TAFA4: variants seen among roughly 807,000 people sequenced by gnomAD.
The protein encoded by TAFA4 is TAFA chemokine like family member 4, also known as chemokine-like protein TAFA-4.
TAFA4 carries 20 observed loss-of-function variants against 21.1 expected under a neutral mutation model. The observed-to-expected ratio is 0.95, with a 90% CI of 0.67 to 1.38. TAFA4 has a LOEUF of 1.38. Ranked by LOEUF, TAFA4 falls within the 40% of genes most tolerant of loss-of-function variation. TAFA4 has a pLI of 0.00. For missense variants in TAFA4, 211 were observed against 180.9 expected, an observed-to-expected ratio of 1.17 and a Z score of -0.95; for synonymous variants, 71 against 67.4, an observed-to-expected ratio of 1.05 and a Z score of -0.26.
chr3:68,827,958 T>G (rs1704292077), intron 3 of TAFA4, among the ~76,000 whole-genome samples: 1 of 152,226 alleles, frequency 6.6e-6, no homozygotes, highest in African/African-American at 2.4e-5. Context: ...TCCTTGCCCA[T>G]GCCTATGTCC....
intron 3 of TAFA4, among the ~76,000 whole-genome samples, chr3:68,754,051 C>A (rs1702613398): frequency 6.6e-6 from 1 of 152,126 alleles, no homozygotes; most frequent in South Asian, 2.1e-4. Flanking sequence ...ATATGTGGCC[C>A]CATTTGCTTT....
intron 3 of TAFA4, among the ~76,000 whole-genome samples, chr3:68,804,715 T>C (rs892108787): frequency 1.2e-4 from 18 of 152,330 alleles, no homozygotes; most frequent in Middle Eastern, 3.4e-3. Flanking sequence ...GGATTCCCTA[T>C]TTAATAAATG....
At chr3:68,787,739 AT>A (rs1267812985) in intron 3 of TAFA4, among the ~76,000 whole-genome samples, 1 of 152,250 alleles carries the variant, frequency 6.6e-6, no homozygotes, top group Admixed American at 6.5e-5. Context: ...AAAAGAAGGC[AT>A]AATGAATACA....
intron 3 of TAFA4, among the ~76,000 whole-genome samples, chr3:68,804,398 C>T (rs1358697630): frequency 2.0e-5 from 3 of 152,118 alleles, no homozygotes; most frequent in African/African-American, 7.2e-5. Flanking sequence ...AGATTCAATG[C>T]CATCCCCATC....
At chr3:68,809,888 A>C (rs1280235790) in intron 3 of TAFA4, among the ~76,000 whole-genome samples, 1 of 152,054 alleles carries the variant, frequency 6.6e-6, no homozygotes, top group Non-Finnish European at 1.5e-5. Flanking sequence ...GTGTGGATTT[A>C]TTTCTGGGCA....
intron 3 of TAFA4, among the ~76,000 whole-genome samples, chr3:68,827,573 C>T (rs547594322): frequency 6.6e-6 from 1 of 152,292 alleles, no homozygotes; most frequent in African/African-American, 2.4e-5. Context: ...TTAATGATCG[C>T]CATTCTAACT....
At chr3:68,892,543 T>G (rs760988337) in intron 1 of TAFA4, among the ~76,000 whole-genome samples, 4 of 152,092 alleles carry the variant, frequency 2.6e-5, no homozygotes, top group Admixed American at 6.6e-5. Context: ...AAGCTATACA[T>G]GTAACAAAAC....
intron 3 of TAFA4, among the ~76,000 whole-genome samples, chr3:68,820,263 G>C (rs1444859582): frequency 1.3e-5 from 2 of 152,200 alleles, no homozygotes; most frequent in East Asian, 3.8e-4. Context: ...GAGTAAAATG[G>C]AGCTTGCCAG....
intron 3 of TAFA4, among the ~76,000 whole-genome samples, chr3:68,778,828 T>C (rs940730448): frequency 1.7e-4 from 26 of 152,130 alleles, no homozygotes; most frequent in Non-Finnish European, 4.4e-5. Context: ...ATACAATAAA[T>C]TGGTACCAGT....
chr3:68,839,168 A>G (rs1704596176), intron 3 of TAFA4, among the ~76,000 whole-genome samples: 1 of 152,206 alleles, frequency 6.6e-6, no homozygotes, highest in South Asian at 2.1e-4. Flanking sequence ...GACACATATA[A>G]TAAGAAAATA....
intron 3 of TAFA4, among the ~76,000 whole-genome samples, chr3:68,802,259 C>A (rs1703594893): frequency 6.6e-6 from 1 of 151,990 alleles, no homozygotes; most frequent in Non-Finnish European, 1.5e-5. Context: ...CATTTTGATT[C>A]ATACCAATCT....
At chr3:68,891,921 T>A (rs1339537014) in intron 1 of TAFA4, among the ~76,000 whole-genome samples, 1 of 152,188 alleles carries the variant, frequency 6.6e-6, no homozygotes, top group Non-Finnish European at 1.5e-5. Flanking sequence ...TGCAAACAGC[T>A]TTTCCACCAA....
At chr3:68,914,917 A>C (rs545822980) in intron 1 of TAFA4, among the ~76,000 whole-genome samples, 1 of 152,242 alleles carries the variant, frequency 6.6e-6, no homozygotes, top group Non-Finnish European at 1.5e-5. Flanking sequence ...TTCATATTTC[A>C]GTATTCATAA....
intron 3 of TAFA4, among the ~76,000 whole-genome samples, chr3:68,874,164 C>G (rs1005660659): frequency 2.0e-4 from 30 of 152,284 alleles, no homozygotes; most frequent in African/African-American, 7.2e-4. Context: ...AGTTATAGTT[C>G]TTATCTGATT....
chr3:68,852,144 C>T lies in TAFA4; in HGVS notation c.130+28586G>A, dbSNP rs369114254. 3.2e-4 allele frequency among the ~76,000 whole-genome samples: 49 copies of T among 152,260 alleles called. No individual in the cohort carries two copies. The East Asian group carries it at 6.0e-3, about 19-fold the overall frequency. On this transcript the variant is annotated intron_variant, in intron 3 of 5. Coordinates refer to ENST00000295569, the MANE Select transcript of TAFA4 (RefSeq NM_182522.5). Reference sequence around the variant, plus strand: ...AATGAAGAGTCCACACTGACTCTTGCATCTCAAGACTGACGGAGGCCAATA... The same window carrying T: ...AATGAAGAGTCCACACTGACTCTTGTATCTCAAGACTGACGGAGGCCAATA...
intron 3 of TAFA4, among the ~76,000 whole-genome samples, chr3:68,829,276 C>T (rs1431715658): frequency 2.6e-5 from 4 of 152,074 alleles, no homozygotes; most frequent in Non-Finnish European, 4.4e-5. Context: ...TTTGACAAAC[C>T]TGACAAAAAA....
At chr3:68,747,209 A>G (rs1702475258) in intron 4 of TAFA4, among the ~76,000 whole-genome samples, 1 of 152,102 alleles carries the variant, frequency 6.6e-6, no homozygotes, top group Non-Finnish European at 1.5e-5. Flanking sequence ...GGGCAATTCC[A>G]TGAATTTAAA....
intron 3 of TAFA4, among the ~76,000 whole-genome samples, chr3:68,795,035 C>CACACAG (rs1553642073): frequency 1.3e-5 from 2 of 150,378 alleles, no homozygotes; most frequent in Admixed American, 6.6e-5. Flanking sequence ...CACACACACA[C>CACACAG]AGACACACAG....
At chr3:68,804,979 T>C (rs1703661345) in intron 3 of TAFA4, among the ~76,000 whole-genome samples, 1 of 152,186 alleles carries the variant, frequency 6.6e-6, no homozygotes. Flanking sequence ...AAAGAGCTTC[T>C]GCACAGCAAA....
Sources: allele counts gnomAD v4.1 joint callset (sites outside exome capture counted in the v4.1 genomes callset), GRCh38; gene constraint gnomAD v4.1.1; transcripts MANE v1.5; gene names NCBI Gene and HGNC (gene_info 2026-07-23, HGNC 2026-07-21).